The following SPTBN4 variants were observed in gnomAD, a reference collection of about 807,000 sequenced individuals.
SPTBN4 encodes spectrin beta, non-erythrocytic 4.
SPTBN4 carries 96 observed loss-of-function variants against 277.8 expected under a neutral mutation model. The observed-to-expected ratio is 0.35, with a 90% confidence interval of 0.29 to 0.41. The LOEUF (loss-of-function observed/expected upper bound fraction) is 0.41. Ranked by LOEUF, SPTBN4 falls within the 10% of genes least tolerant of loss-of-function variation. The probability of loss-of-function intolerance (pLI) is 1.00; values close to 1 mark genes in which losing one functional copy is unlikely to be tolerated. For missense variants in SPTBN4, 3,006 were observed against 3,595.7 expected (o/e 0.84, Z 4.19); for synonymous variants, 1,481 against 1,580.3 (o/e 0.94, Z 1.49).
chr19:40,481,256 A>G (rs751870167), intron 2 of SPTBN4, among the ~76,000 whole-genome samples: 29 of 152,218 alleles, frequency 1.9e-4, no homozygotes, highest in Non-Finnish European at 3.7e-4. Flanking sequence ...AGGTCCCGCT[A>G]TGTTGCTCAG....
intron 24 of SPTBN4, chr19:40,555,397 A>C (rs1046551061): frequency 2.0e-5 from 3 of 149,750 alleles, no homozygotes; most frequent in Admixed American, 6.7e-5. Flanking sequence ...AGGCTGAGGC[A>C]GGAGAATGGC....
chr19:40,556,994 G>GT (rs757491907), intron 25 of SPTBN4, 29 bp from the exon 26 acceptor site: 7 of 1,507,912 alleles, frequency 4.6e-6, no homozygotes, highest in Non-Finnish European at 6.2e-6. Flanking sequence ...TCACTTTGCT[G>GT]TACCCCCCCC....
In SPTBN4 at chr19:40,560,923, T is replaced by C. The variant is rs546900662; in HGVS notation, c.5915+520T>C. Among the ~76,000 whole-genome samples, 2,051 of 112,250 alleles carry C rather than the reference T, an allele frequency of 0.018. 26 individuals carry two copies. The highest frequency in any genetic ancestry group is 0.029 in the Non-Finnish European group (1,397 of 48,194). The allele number at this position is 112,250 out of a possible 152,430, so 73.6% of individuals were successfully genotyped here. A position where few individuals can be genotyped will look rare whatever the true frequency, so the allele number is the denominator to read the frequency against. The stretch of plus-strand genomic sequence containing the variant: ...GCATCCCGCTGCAGATGGGAAAAGA[T>C]AGCAGGAGGATCACACAGAAGGTTT... On this transcript the variant is annotated intron_variant, in intron 27 of 35. Coordinates refer to ENST00000598249, the MANE Select transcript of SPTBN4 (RefSeq NM_020971.3). The surrounding 1 kb of genome is among the most constrained non-coding windows in gnomAD (Gnocchi z 5.2).
rs750823790 is a variant in SPTBN4 at position 40,506,269 on chromosome 19, C to G, written c.1699C>G (p.Leu567Val). ...QLLSRECGQH[L>V]VEADDLLQKH... Reference sequence around the variant, plus strand: ...GCTGTCCCGGGAGTGTGGGCAGCACCTGGTGGAGGCAGACGACCTGTTGCA... The same window carrying G: ...GCTGTCCCGGGAGTGTGGGCAGCACGTGGTGGAGGCAGACGACCTGTTGCA... Residue 567 changes from leucine (L) to valine (V), a missense_variant, in exon 13 of 36, where the codon CTG becomes GTG. Leu to Val is a conservative substitution (Grantham distance 32, BLOSUM62 1). This residue lies in a region of SPTBN4 where 1,759 missense variants were observed against 2,061.5 expected (regional missense o/e 0.85). Coordinates refer to ENST00000598249, the MANE Select transcript of SPTBN4 (RefSeq NM_020971.3). 1 of 1,613,926 alleles carries G rather than the reference C, an allele frequency of 6.2e-7. No individual in the cohort carries two copies. Among genetic ancestry groups the G allele is most frequent in the Admixed American group, 1.7e-5 (1 of 60,000 alleles).
chr19:40,546,049 CAA>C (rs35750238), intron 20 of SPTBN4, among the ~76,000 whole-genome samples: 1,403 of 91,766 alleles, frequency 0.015, 17 homozygotes, highest in African/African-American at 0.038. Context: ...GACTCTGCCT[CAA>C]AAAAAAAAAA....
intron 17 of SPTBN4, among the ~76,000 whole-genome samples, chr19:40,527,728 G>C (rs1270679518): frequency 6.6e-6 from 1 of 152,092 alleles, no homozygotes; most frequent in African/African-American, 2.4e-5. Flanking sequence ...ATAAGAGTTT[G>C]GAAAGGTGGG....
rs1285664869 is a variant in SPTBN4, at chr19:40,539,926, TTTAA to T, written c.4359+5586_4359+5589del. Among the ~76,000 whole-genome samples, 3 of 123,990 alleles carry T rather than the reference TTTAA, an allele frequency of 2.4e-5. No individual in the cohort carries two copies. The East Asian group carries it at 5.8e-4, about 24-fold the overall frequency. 81.3% of individuals were successfully genotyped at this position (123,990 alleles called of 152,430 possible). On this transcript the variant is annotated intron_variant, in intron 20 of 35. Coordinates refer to ENST00000598249, the MANE Select transcript of SPTBN4 (RefSeq NM_020971.3). Reference sequence around the variant, plus strand: ...AAGATTCAGTATTTATTCACAGGTCTTTAATTTTTTTTTTTTTAGACCAAGTTTT... The same window carrying T: ...AAGATTCAGTATTTATTCACAGGTCTTTTTTTTTTTTTTAGACCAAGTTTT...
chr19:40,541,422 C>A (rs2145911862), intron 20 of SPTBN4, among the ~76,000 whole-genome samples: 1 of 152,292 alleles, frequency 6.6e-6, no homozygotes, highest in East Asian at 1.9e-4. Flanking sequence ...GGCCAGGGCA[C>A]CCAGACGGAG....
chr19:40,570,288 G>T, intron 32 of SPTBN4, 148 bp from the exon 33 acceptor site: 1 of 454,076 alleles, frequency 2.2e-6, no homozygotes, highest in South Asian at 3.9e-5. Flanking sequence ...CTAAGAATTG[G>T]GCCTCCAACC....
intron 16 of SPTBN4, 73 bp downstream of exon 16, chr19:40,520,224 G>C (rs2080511479): frequency 7.9e-7 from 1 of 1,270,422 alleles, no homozygotes. Context: ...ACAGGGACAT[G>C]CGGGGGTGGG....
chr19:40,544,739 G>A (rs1470680227), intron 20 of SPTBN4, among the ~76,000 whole-genome samples: 3 of 151,980 alleles, frequency 2.0e-5, no homozygotes, highest in Non-Finnish European at 2.9e-5. Flanking sequence ...GTGAGCCACC[G>A]CACCCAGCAT....
Position 40,492,980 on chromosome 19 carries a change from T to C in SPTBN4, c.513T>C (p.Ile171=). 1 of 1,613,988 alleles carries C rather than the reference T, an allele frequency of 6.2e-7. No homozygotes were observed. Among genetic ancestry groups the C allele is most frequent in the Non-Finnish European group, 8.5e-7 (1 of 1,179,942 alleles). The change falls in exon 5 of 36, where the codon ATT becomes ATC. Residue 171 remains isoleucine, a synonymous_variant. Transcript: ENST00000598249. The part of the protein sequence containing the change: ...ILRFQIQVIK[I]ETEDNRETRS... ...CTTCACAGATTCAAGTCATCAAAAT[T>C]GAGACTGAGGACAACAGAGAGACAC... is the stretch of plus-strand genomic sequence containing the variant.
chr19:40,547,298 C>G (rs572277533), intron 20 of SPTBN4, among the ~76,000 whole-genome samples: 2 of 150,890 alleles, frequency 1.3e-5, no homozygotes, highest in South Asian at 4.2e-4. Flanking sequence ...TCTGTCCTTG[C>G]GATAGTTTGC....
intron 2 of SPTBN4, among the ~76,000 whole-genome samples, chr19:40,480,237 G>A (rs1393397893): frequency 7.1e-6 from 1 of 141,376 alleles, no homozygotes; most frequent in East Asian, 2.0e-4. Flanking sequence ...GGTTAACAGA[G>A]AGAGACTCCG....
In SPTBN4 at chr19:40,562,258, G is replaced by C. The variant is rs140312441; in HGVS notation, c.5915+1855G>C. Among the ~76,000 whole-genome samples, 1,193 of 152,124 alleles carry C rather than the reference G, an allele frequency of 7.8e-3. 6 individuals are homozygous for C. Among genetic ancestry groups the C allele is most frequent in the Non-Finnish European group, 0.013 (882 of 67,992 alleles). On this transcript the variant is annotated intron_variant, in intron 27 of 35. Coordinates refer to ENST00000598249, the MANE Select transcript of SPTBN4 (RefSeq NM_020971.3). ...CATTTGAGAAAAATAGGCCGGGCAT[G>C]GTGGCTTATACCTGTCATCCCAGCA...
intron 30 of SPTBN4, 60 bp from the exon 31 acceptor site, chr19:40,567,603 T>A: frequency 7.7e-4 from 750 of 979,604 alleles, no homozygotes; most frequent in Non-Finnish European, 9.5e-4. Flanking sequence ...TCCCCGGACC[T>A]CCCCCTTACC....
intron 16 of SPTBN4, among the ~76,000 whole-genome samples, chr19:40,521,577 G>T (rs1241479152): frequency 6.6e-6 from 1 of 152,126 alleles, no homozygotes. Flanking sequence ...GTTCCTATGA[G>T]AATGTAAAGC....
intron 20 of SPTBN4, among the ~76,000 whole-genome samples, chr19:40,542,813 TG>T (rs1279232224): frequency 3.3e-5 from 5 of 151,138 alleles, no homozygotes; most frequent in Admixed American, 6.6e-5. Flanking sequence ...TTTTTGTTTT[TG>T]TTTTTTTGTT....
Position 40,575,751 on chromosome 19 carries a change from G to GC in SPTBN4, c.*186dup. 1.4e-6 allele frequency: 1 copy of GC among 694,378 alleles called. No individual in the cohort carries two copies. Among genetic ancestry groups the GC allele is most frequent in the Non-Finnish European group, 2.2e-6 (1 of 450,928 alleles). The allele number at this position is 694,378 out of a possible 1,614,324, so 43.0% of individuals were successfully genotyped here. A position where few individuals can be genotyped will look rare whatever the true frequency, so the allele number is the denominator to read the frequency against. Reference sequence around the variant, plus strand: ...CCCAAGAAGTGGTGGGGAGATTGCTGCCCCTATAGCCATATCTCGGCCCCT... The same window carrying GC: ...CCCAAGAAGTGGTGGGGAGATTGCTGCCCCCTATAGCCATATCTCGGCCCCT... On this transcript the variant is annotated 3_prime_UTR_variant, in exon 36 of 36. Coordinates refer to ENST00000598249, the MANE Select transcript of SPTBN4 (RefSeq NM_020971.3).
Sources: gnomAD v4.1 joint callset for allele counts (sites outside exome capture counted in the v4.1 genomes callset) on GRCh38, gnomAD v4.1.1 for gene constraint, gnomAD v4.1.1 regional missense constraint, Gnocchi (gnomAD v3.1) non-coding constraint, MANE v1.5 for transcripts, NCBI Gene and HGNC (gene_info 2026-07-23, HGNC 2026-07-21) for gene names.